The following MS4A5 variants were observed in gnomAD, a reference collection of about 807,000 sequenced individuals.
MS4A5 encodes membrane-spanning 4-domains subfamily A member 5.
MS4A5 carries 15 observed loss-of-function variants against 18.2 expected under a neutral mutation model. That is an observed-to-expected ratio of 0.83 (90% CI 0.55 to 1.27). MS4A5 has a LOEUF of 1.27. MS4A5 is among the 50% of genes most tolerant of loss of function. The pLI is 0.00. For missense variants in MS4A5, 232 were observed against 225.7 expected, an observed-to-expected ratio of 1.03 and a Z score of -0.18; for synonymous variants, 89 against 78.7, an observed-to-expected ratio of 1.13 and a Z score of -0.69.
At position 60,433,758 on chromosome 11, in the gene MS4A5, A is replaced by G. The variant is rs376939752; in HGVS notation, c.340-7A>G. ...AGTCACATTGTTATGTTCTTATTCT[A>G]TTTCAGATAATATTGAGCCGAATAA... On this transcript the variant is annotated splice_region_variant and splice_polypyrimidine_tract_variant and intron_variant, in intron 3 of 4. Coordinates refer to ENST00000300190, the MANE Select transcript of MS4A5 (RefSeq NM_023945.3). 9.3e-6 allele frequency: 15 copies of G among 1,612,916 alleles called. No individual in the cohort carries two copies. In the African/African-American group the frequency reaches 1.9e-4, roughly 20 times the overall value.
At chr11:60,431,191 T>A (rs905779384) in intron 2 of MS4A5, among the ~76,000 whole-genome samples, 2 of 152,226 alleles carry the variant, frequency 1.3e-5, no homozygotes, top group African/African-American at 4.8e-5. Context: ...CTATTTATTA[T>A]AAGCCAGATA....
chr11:60,436,924 C>G (rs1197618976), intron 4 of MS4A5, among the ~76,000 whole-genome samples: 1 of 132,190 alleles, frequency 7.6e-6, no homozygotes, highest in Admixed American at 8.6e-5. Context: ...ACAGAGAACG[C>G]CACAAAGATA....
intron 4 of MS4A5, among the ~76,000 whole-genome samples, chr11:60,442,004 A>G (rs751719935): frequency 9.2e-5 from 14 of 152,234 alleles, no homozygotes; most frequent in Non-Finnish European, 1.6e-4. Flanking sequence ...CTGAATGAGT[A>G]GAGAAAGCTA....
chr11:60,435,236 T>G (rs907459596), intron 4 of MS4A5, among the ~76,000 whole-genome samples: 1 of 151,956 alleles, frequency 6.6e-6, no homozygotes, highest in African/African-American at 2.4e-5. Flanking sequence ...CCCATCAAAT[T>G]TTCCATTGAA....
chr11:60,434,149 A>G (rs780954132), intron 4 of MS4A5, among the ~76,000 whole-genome samples: 13 of 152,146 alleles, frequency 8.5e-5, no homozygotes, highest in Non-Finnish European at 1.3e-4. Context: ...AAGAGATAAA[A>G]CATACACAAA....
intron 4 of MS4A5, among the ~76,000 whole-genome samples, chr11:60,446,052 T>C (rs368796298): frequency 1.1e-4 from 17 of 152,234 alleles, no homozygotes; most frequent in African/African-American, 7.2e-5. Flanking sequence ...TGTACAACAA[T>C]GCTATTGCAG....
At chr11:60,443,327 A>C (rs3973196) in intron 4 of MS4A5, among the ~76,000 whole-genome samples, 87,050 of 151,656 alleles carry the variant, frequency 0.57, 25,199 homozygotes, top group Middle Eastern at 0.76. Context: ...ATTAAATGTC[A>C]ATTTTAAAAA....
Position 60,429,784 on chromosome 11 carries a change from G to T in MS4A5, c.110G>T (p.Ser37Ile), listed in dbSNP as rs776223801. Residue 37 changes from serine (S) to isoleucine (I), a missense_variant, in exon 1 of 5, where the codon AGC becomes ATC. Physicochemically the swap from Ser to Ile is moderately radical, Grantham distance 142. Transcript: ENST00000300190. ...TCAGCCACGACCTTTTCAACTCAAA[G>T]CCCCTTGCAAAAATTATTTGCTAGA... The part of the protein sequence containing the change: ...ELSATTFSTQ[S>I]PLQKLFARKM... 6.2e-7 allele frequency: 1 copy of T among 1,613,928 alleles called. No individual in the cohort carries two copies. Among genetic ancestry groups the T allele is most frequent in the East Asian group, 2.2e-5 (1 of 44,874 alleles).
rs1185571487 is a variant in MS4A5, at chr11:60,445,526, C to T, written c.493-2123C>T. Among the ~76,000 whole-genome samples the T allele has an allele frequency of 2.0e-5, 3 of 152,102 alleles. 1 individual carries two copies. In the East Asian group the frequency reaches 5.8e-4, roughly 29 times the overall value. ...CCACCAGCCTCGGCCTCCCAAAGTG[C>T]TAGGATTACAGGCATGAGCTGGCGC... On this transcript the variant is annotated intron_variant, in intron 4 of 4. Coordinates refer to ENST00000300190, the MANE Select transcript of MS4A5 (RefSeq NM_023945.3).
chr11:60,436,896 C>T lies in MS4A5; in HGVS notation c.492+2979C>T, dbSNP rs879882177. 5.5e-3 allele frequency among the ~76,000 whole-genome samples: 734 copies of T among 132,678 alleles called. 120 individuals carry two copies. The highest frequency in any genetic ancestry group is 8.0e-3 in the Non-Finnish European group (478 of 59,692). The allele number at this position is 132,678 out of a possible 152,430, so 87.0% of individuals were successfully genotyped here. ...TCCCCAATCTAGCAAGGCAGGCCAA[C>T]GTTCAGATTCAGGAAATACAGAGAA... On this transcript the variant is annotated intron_variant, in intron 4 of 4. Coordinates refer to ENST00000300190, the MANE Select transcript of MS4A5 (RefSeq NM_023945.3).
Position 60,430,928 on chromosome 11 carries a change from A to T in MS4A5, c.282+4A>T. The T allele has an allele frequency of 6.2e-7, 1 of 1,604,498 alleles. No individual in the cohort carries two copies. Among genetic ancestry groups the T allele is most frequent in the Non-Finnish European group, 8.5e-7 (1 of 1,177,978 alleles). On this transcript the variant is annotated splice_donor_region_variant and intron_variant, in intron 2 of 4. Transcript: ENST00000300190. ...TCCATTCTGGGGCTCTGTTTTGGTGAGTATAGTCAATCAAGTTCAATTTGA... is the reference window on the plus strand; with the variant it reads ...TCCATTCTGGGGCTCTGTTTTGGTGTGTATAGTCAATCAAGTTCAATTTGA...
chr11:60,441,393 C>A (rs1184716428), intron 4 of MS4A5, among the ~76,000 whole-genome samples: 3 of 82,368 alleles, frequency 3.6e-5, no homozygotes, highest in Non-Finnish European at 7.0e-5. Context: ...CTAACCTGCA[C>A]AATGTGCACA....
intron 4 of MS4A5, among the ~76,000 whole-genome samples, chr11:60,446,768 A>C (rs1019910216): frequency 2.0e-5 from 3 of 151,740 alleles, no homozygotes; most frequent in African/African-American, 7.3e-5. Flanking sequence ...AAACCAAAAA[A>C]ACGGTGAACT....
At chr11:60,439,076 A>G (rs1373482472) in intron 4 of MS4A5, among the ~76,000 whole-genome samples, 1 of 97,824 alleles carries the variant, frequency 1.0e-5, no homozygotes, top group East Asian at 3.2e-4. Flanking sequence ...CTTATCCACC[A>G]TGATCAAGTG....
Position 60,433,747 on chromosome 11 carries a change from G to T in MS4A5, c.340-18G>T, listed in dbSNP as rs985671867. The T allele has an allele frequency of 1.7e-5, 27 of 1,611,870 alleles. No individual in the cohort carries two copies. The highest frequency in any genetic ancestry group is 2.2e-5 in the Non-Finnish European group (26 of 1,178,240). On this transcript the variant is annotated intron_variant, in intron 3 of 4. Coordinates refer to ENST00000300190, the MANE Select transcript of MS4A5 (RefSeq NM_023945.3). ...GGCTGGACCTCAGTCACATTGTTAT[G>T]TTCTTATTCTATTTCAGATAATATT... is the stretch of plus-strand genomic sequence containing the variant.
intron 2 of MS4A5, 61 bp from the exon 3 acceptor site, chr11:60,432,350 C>A: frequency 8.8e-7 from 1 of 1,130,990 alleles, no homozygotes; most frequent in Non-Finnish European, 1.3e-6. Context: ...GAGGTCTATT[C>A]TGTAAGAACT....
chr11:60,441,880 C>T (rs142467157), intron 4 of MS4A5, among the ~76,000 whole-genome samples: 16 of 152,188 alleles, frequency 1.1e-4, no homozygotes, highest in South Asian at 6.2e-4. Context: ...CATTGCTAAA[C>T]GTATAATAGG....
chr11:60,435,615 T>C (rs1405754562), intron 4 of MS4A5: 3 of 277,856 alleles, frequency 1.1e-5, no homozygotes, highest in African/African-American at 2.3e-5. Flanking sequence ...ATTGCCTCAC[T>C]TGGGAAGCGC....
chr11:60,433,654 G>A, intron 3 of MS4A5, 111 bp from the exon 4 acceptor site: 2 of 1,005,330 alleles, frequency 2.0e-6, no homozygotes, highest in South Asian at 3.1e-5. Flanking sequence ...GCTGCCTCGT[G>A]GCATTAAGAT....
Sources: allele counts gnomAD v4.1 joint callset (sites outside exome capture counted in the v4.1 genomes callset), GRCh38; gene constraint gnomAD v4.1.1; transcripts MANE v1.5; gene names NCBI Gene and HGNC (gene_info 2026-07-23, HGNC 2026-07-21).